NLGN1: variants seen among roughly 807,000 people sequenced by gnomAD.
The protein encoded by NLGN1 is neuroligin 1.
A neutral mutation model predicts 65.5 loss-of-function variants in NLGN1; 12 were observed. That is an observed-to-expected ratio of 0.18 (90% CI 0.12 to 0.30). NLGN1 has a LOEUF of 0.30. Among genes scored for constraint, NLGN1 ranks in the 10% least tolerant of loss-of-function variants. The pLI is 1.00. For synonymous variants in NLGN1, 350 were observed against 359.5 expected (o/e 0.97, Z 0.30); for missense variants, 750 against 1,007.1 (o/e 0.74, Z 3.46).
intron 2 of NLGN1, among the ~76,000 whole-genome samples, chr3:173,440,397 TG>T (rs1042262215): frequency 7.9e-5 from 12 of 152,172 alleles, no homozygotes; most frequent in African/African-American, 2.9e-4. Context: ...GGTAAATCTT[TG>T]GAAGAAGGTT....
chr3:173,716,552 A>T (rs62289915), intron 3 of NLGN1, among the ~76,000 whole-genome samples: 30,141 of 152,062 alleles, frequency 0.2, 3,153 homozygotes, highest in Admixed American at 0.24. Context: ...ATCAGAGCCC[A>T]TTCAGGTTTA....
At chr3:173,961,926 A>G (rs1482799325) in intron 4 of NLGN1, among the ~76,000 whole-genome samples, 1 of 151,934 alleles carries the variant, frequency 6.6e-6, no homozygotes, top group Non-Finnish European at 1.5e-5. Context: ...TTTGTCCCCC[A>G]TGGGTGTCTT....
chr3:174,014,898 T>G (rs941011153), intron 4 of NLGN1, among the ~76,000 whole-genome samples: 8 of 152,066 alleles, frequency 5.3e-5, no homozygotes, highest in Non-Finnish European at 1.0e-4. Flanking sequence ...TAATCAGGAC[T>G]CTTGAAGGAA....
At chr3:174,118,251 TG>T (rs1453618863) in intron 4 of NLGN1, among the ~76,000 whole-genome samples, 1 of 152,196 alleles carries the variant, frequency 6.6e-6, no homozygotes, top group Admixed American at 6.5e-5. Context: ...TATATTTATT[TG>T]TATGTATTTC....
chr3:174,280,952 T>C lies in NLGN1; in HGVS notation c.2121T>C (p.Asp707=). 1 of 1,613,356 alleles carries C rather than the reference T, an allele frequency of 6.2e-7. No individual in the cohort carries two copies. Among genetic ancestry groups the C allele is most frequent in the Non-Finnish European group, 8.5e-7 (1 of 1,179,590 alleles). The change falls in exon 7 of 7, where the codon GAT becomes GAC. Residue 707 remains aspartate, a synonymous_variant. Transcript: ENST00000457714. This position sits in a 1 kb window ranked among gnomAD's most constrained non-coding sequence, Gnocchi z 4.9. The stretch of plus-strand genomic sequence containing the variant: ...ACAAAAAGGATAAGAGGAGACATGA[T>C]GTTCACAGGAGATGCAGCCCTCAGC...
At chr3:173,751,035 A>C (rs1776233611) in intron 3 of NLGN1, among the ~76,000 whole-genome samples, 1 of 152,090 alleles carries the variant, frequency 6.6e-6, no homozygotes, top group Admixed American at 6.6e-5. Context: ...CACATTTCAA[A>C]AAACAAATAA....
chr3:173,942,503 C>G (rs1428134508), intron 4 of NLGN1, among the ~76,000 whole-genome samples: 1 of 152,078 alleles, frequency 6.6e-6, no homozygotes, highest in African/African-American at 2.4e-5. Context: ...CAGCATGTAT[C>G]CTGAGCTCAG....
chr3:174,143,818 A>G (rs904095992), intron 4 of NLGN1, among the ~76,000 whole-genome samples: 7 of 152,220 alleles, frequency 4.6e-5, no homozygotes, highest in Non-Finnish European at 1.0e-4. Flanking sequence ...AACAACATCT[A>G]TGAAGCTGAA....
chr3:174,185,078 C>T (rs1731150817), intron 4 of NLGN1, among the ~76,000 whole-genome samples: 1 of 152,016 alleles, frequency 6.6e-6, no homozygotes, highest in Non-Finnish European at 1.5e-5. Flanking sequence ...TGCAAAGGCC[C>T]TGCTATACAG....
intron 4 of NLGN1, among the ~76,000 whole-genome samples, chr3:174,068,058 G>A (rs1345743443): frequency 1.3e-5 from 2 of 152,172 alleles, no homozygotes; most frequent in East Asian, 2.0e-4. Flanking sequence ...ATATGCATTA[G>A]CATTTTAAGT....
At chr3:173,879,888 G>T (rs182322779) in intron 4 of NLGN1, among the ~76,000 whole-genome samples, 10 of 152,220 alleles carry the variant, frequency 6.6e-5, no homozygotes, top group African/African-American at 2.2e-4. Flanking sequence ...TCATGTAAAT[G>T]AATTCTTAAA....
chr3:173,903,436 A>G (rs752602221), intron 4 of NLGN1, among the ~76,000 whole-genome samples: 6 of 152,152 alleles, frequency 3.9e-5, no homozygotes, highest in South Asian at 4.1e-4. Flanking sequence ...TTTGCATGGT[A>G]AAGATAATTT....
At chr3:174,100,323 A>T (rs1378287620) in intron 4 of NLGN1, among the ~76,000 whole-genome samples, 1 of 152,064 alleles carries the variant, frequency 6.6e-6, no homozygotes, top group African/African-American at 2.4e-5. Flanking sequence ...TATAATGTTC[A>T]CCGTAAAGTA....
intron 4 of NLGN1, among the ~76,000 whole-genome samples, chr3:174,092,963 A>C (rs1201796336): frequency 2.0e-5 from 3 of 152,210 alleles, no homozygotes; most frequent in Non-Finnish European, 2.9e-5. Flanking sequence ...CCAGGATTTT[A>C]GAAAGGAGCA....
intron 4 of NLGN1, among the ~76,000 whole-genome samples, chr3:173,974,605 T>TAAA (rs1717008541): frequency 6.6e-6 from 1 of 152,038 alleles, no homozygotes; most frequent in Non-Finnish European, 1.5e-5. Flanking sequence ...AACATATGAA[T>TAAA]AAAATATTTG....
intron 4 of NLGN1, among the ~76,000 whole-genome samples, chr3:174,228,877 T>C (rs1191560591): frequency 6.6e-6 from 1 of 152,086 alleles, no homozygotes; most frequent in Non-Finnish European, 1.5e-5. Flanking sequence ...TATTATAATA[T>C]AGACATTGAT....
intron 3 of NLGN1, among the ~76,000 whole-genome samples, chr3:173,623,666 G>A (rs1005734463): frequency 6.6e-6 from 1 of 152,066 alleles, no homozygotes; most frequent in Admixed American, 6.6e-5. Flanking sequence ...ATTGTGAAGG[G>A]CGTTGAATGC....
intron 4 of NLGN1, among the ~76,000 whole-genome samples, chr3:174,147,419 C>A (rs1157169376): frequency 2.8e-5 from 1 of 36,252 alleles, no homozygotes; most frequent in Non-Finnish European, 5.8e-5. Flanking sequence ...TGGCTCATGG[C>A]TTTTTTTTTT....
chr3:173,927,116 T>A (rs2152276565), intron 4 of NLGN1, among the ~76,000 whole-genome samples: 1 of 152,238 alleles, frequency 6.6e-6, no homozygotes, highest in South Asian at 2.1e-4. Context: ...CAGGCTGGAG[T>A]GCAGTGGCAT....
Sources: allele counts gnomAD v4.1 joint callset (sites outside exome capture counted in the v4.1 genomes callset), GRCh38; gene constraint gnomAD v4.1.1; non-coding constraint Gnocchi (gnomAD v3.1); transcripts MANE v1.5; gene names NCBI Gene and HGNC (gene_info 2026-07-23, HGNC 2026-07-21).